REPS2: variants seen among roughly 807,000 people sequenced by gnomAD.
REPS2 encodes ralBP1-associated Eps domain-containing protein 2.
A neutral mutation model predicts 53.6 loss-of-function variants in REPS2; 23 were observed. The observed-to-expected ratio is 0.43, with a 90% CI of 0.31 to 0.61. The LOEUF (loss-of-function observed/expected upper bound fraction) is 0.61. Among genes scored for constraint, REPS2 ranks in the 20% least tolerant of loss-of-function variants. The pLI is 0.11. For missense variants in REPS2, 446 were observed against 534.9 expected, an observed-to-expected ratio of 0.83 and a Z score of 1.64; for synonymous variants, 238 against 218.6, an observed-to-expected ratio of 1.09 and a Z score of -0.78.
chrX:17,023,200 G>A (rs948745719), intron 3 of REPS2, among the ~76,000 whole-genome samples: 2 of 112,457 alleles, frequency 1.8e-5, no homozygotes, highest in African/African-American at 6.5e-5. Flanking sequence ...GGCCAAGGCG[G>A]GTGGATCACA....
At chrX:17,133,738 G>A (rs930240294) in intron 14 of REPS2, 86 bp from the exon 15 acceptor site, 2 of 835,206 alleles carry the variant, frequency 2.4e-6, no homozygotes, top group Admixed American at 4.5e-5. Flanking sequence ...TTTTCCCTTG[G>A]TGACTATCTT....
the REPS2 span, among the ~76,000 whole-genome samples, chrX:17,178,773 C>G: frequency 9.1e-6 from 1 of 110,272 alleles, no homozygotes; most frequent in African/African-American, 3.3e-5. Context: ...ACTAAAAATA[C>G]AAAAATTAGC....
intron 1 of REPS2, among the ~76,000 whole-genome samples, chrX:16,954,820 T>G (rs2060572177): frequency 1.1e-5 from 1 of 92,806 alleles, no homozygotes; most frequent in African/African-American, 3.9e-5. Flanking sequence ...TTTTTTTTTT[T>G]TTTTTTTTGA....
At chrX:17,002,694 G>A (rs948636549) in intron 1 of REPS2, among the ~76,000 whole-genome samples, 5 of 111,920 alleles carry the variant, frequency 4.5e-5, no homozygotes, top group African/African-American at 1.6e-4. Context: ...CTTGGGGAGG[G>A]TTGACACCTC....
chrX:17,030,314 GGTGTGT>G (rs3222673), intron 5 of REPS2, among the ~76,000 whole-genome samples: 86 of 101,897 alleles, frequency 8.4e-4, no homozygotes, highest in South Asian at 9.3e-4. Flanking sequence ...CTCAAAGAAG[GGTGTGT>G]GTGTGTGTGT....
chrX:17,150,045 A>G lies in REPS2; in HGVS notation c.*2564A>G, dbSNP rs1273768237. ...CAGTTTATTAGTTGCTTAGAAGTGG[A>G]TTTTTAAAAAACAGTTAAATGTGTG... On this transcript the variant is annotated 3_prime_UTR_variant, in exon 18 of 18. Transcript: ENST00000357277. The G allele has an allele frequency of 8.9e-6, 1 of 112,455 alleles. No individual in the cohort carries two copies. Among genetic ancestry groups the G allele is most frequent in the Non-Finnish European group, 1.9e-5 (1 of 53,248 alleles). 9.3% of individuals were successfully genotyped at this position (112,455 alleles called of 1,213,427 possible). A position where few individuals can be genotyped will look rare whatever the true frequency, so the allele number is the denominator to read the frequency against.
At chrX:17,027,659 GTTTTTTTTTTTT>G (rs761592588) in intron 4 of REPS2, among the ~76,000 whole-genome samples, 1 of 67,270 alleles carries the variant, frequency 1.5e-5, no homozygotes, top group Non-Finnish European at 2.6e-5. Flanking sequence ...AAATCTTTAG[GTTTTTTTTTTTT>G]TTTTTTTTTT....
At chrX:17,092,593 A>G (rs950656716) in intron 13 of REPS2, among the ~76,000 whole-genome samples, 1 of 109,800 alleles carries the variant, frequency 9.1e-6, no homozygotes, top group East Asian at 2.8e-4. Context: ...TTTATTAACT[A>G]TAACACTTGA....
chrX:17,016,096 T>A (rs1343222176), intron 2 of REPS2, among the ~76,000 whole-genome samples: 3 of 112,183 alleles, frequency 2.7e-5, no homozygotes, highest in Non-Finnish European at 5.6e-5. Flanking sequence ...TTTTTGATGA[T>A]CGCCATTCTA....
At chrX:17,161,571 C>A in the REPS2 span, among the ~76,000 whole-genome samples, 3 of 110,680 alleles carry the variant, frequency 2.7e-5, no homozygotes, top group Non-Finnish European at 5.7e-5. Flanking sequence ...GAAGCAGATT[C>A]ATCCCCAGAG....
At chrX:17,069,715 A>G (rs1923868182) in intron 10 of REPS2, among the ~76,000 whole-genome samples, 1 of 111,498 alleles carries the variant, frequency 9.0e-6, no homozygotes. Flanking sequence ...TTGAAAATAC[A>G]TCTTTGCTCT....
chrX:17,100,954 T>C (rs772581913), intron 13 of REPS2, among the ~76,000 whole-genome samples: 2 of 111,538 alleles, frequency 1.8e-5, no homozygotes, highest in Non-Finnish European at 3.8e-5. Flanking sequence ...TATAATATTT[T>C]TGATATAAAT....
chrX:17,045,534 A>G (rs776227844), intron 5 of REPS2, among the ~76,000 whole-genome samples: 12 of 109,252 alleles, frequency 1.1e-4, no homozygotes, highest in African/African-American at 3.7e-4. Flanking sequence ...TAACTAATGG[A>G]TAATGACTTC....
chrX:17,102,755 ATCTTTTATGT>A (rs2062825615), intron 13 of REPS2, among the ~76,000 whole-genome samples: 2 of 112,423 alleles, frequency 1.8e-5, no homozygotes, highest in Admixed American at 9.4e-5. Context: ...AATTTGCAAA[ATCTTTTATGT>A]TCTTTTATGT....
the REPS2 span, among the ~76,000 whole-genome samples, chrX:17,174,663 C>T: frequency 8.9e-5 from 10 of 112,647 alleles, no homozygotes; most frequent in African/African-American, 3.2e-4. Context: ...TCAACTCAGT[C>T]TGCTAAGTTA....
At chrX:17,004,690 G>T (rs986041658) in intron 1 of REPS2, among the ~76,000 whole-genome samples, 3 of 111,506 alleles carry the variant, frequency 2.7e-5, no homozygotes, top group African/African-American at 9.8e-5. Flanking sequence ...TAAGGTATTA[G>T]TCTTCAAGTA....
intron 1 of REPS2, among the ~76,000 whole-genome samples, chrX:16,952,526 C>A (rs1292779798): frequency 8.9e-6 from 1 of 111,886 alleles, no homozygotes; most frequent in Non-Finnish European, 1.9e-5. Flanking sequence ...AAACAGCTTT[C>A]ATTGAGGTAA....
chrX:16,953,096 AACAAAC>A (rs1189457257), intron 1 of REPS2, among the ~76,000 whole-genome samples: 12 of 89,798 alleles, frequency 1.3e-4, no homozygotes, highest in African/African-American at 3.5e-4. Context: ...CAAACCAAAA[AACAAAC>A]ACACACACAC....
chrX:17,173,642 C>T, the REPS2 span, among the ~76,000 whole-genome samples: 1 of 112,053 alleles, frequency 8.9e-6, no homozygotes, highest in Non-Finnish European at 1.9e-5. Context: ...GATCCATTTG[C>T]CATACACCAC....
Sources: allele counts gnomAD v4.1 joint callset (sites outside exome capture counted in the v4.1 genomes callset), GRCh38; gene constraint gnomAD v4.1.1; transcripts MANE v1.5; gene names NCBI Gene and HGNC (gene_info 2026-07-23, HGNC 2026-07-21).